Variants in EPHX1 observed in about 807,000 individuals in gnomAD.
The protein encoded by EPHX1 is epoxide hydrolase 1.
EPHX1 carries 40 observed loss-of-function variants against 43.2 expected under a neutral mutation model. The ratio of observed to expected loss-of-function variants is 0.93; its 90% confidence interval spans 0.72 to 1.21. The LOEUF (loss-of-function observed/expected upper bound fraction) is 1.21, where lower values mean the gene tolerates loss of function less well. EPHX1 is among the 50% of genes most tolerant of loss of function. The pLI is 0.00. For synonymous variants in EPHX1, 221 were observed against 226.7 expected (o/e 0.98, Z 0.22); for missense variants, 550 against 570.4 (o/e 0.96, Z 0.36).
At chr1:225,827,536 G>A (rs1667306499) in intron 1 of EPHX1, among the ~76,000 whole-genome samples, 1 of 152,156 alleles carries the variant, frequency 6.6e-6, no homozygotes, top group African/African-American at 2.4e-5. Flanking sequence ...AAAAGACACA[G>A]GAGTCAGACA....
At chr1:225,828,602 T>A in intron 1 of EPHX1, 123 bp from the exon 2 acceptor site, 1 of 719,514 alleles carries the variant, frequency 1.4e-6, no homozygotes, top group Middle Eastern at 4.0e-4. Flanking sequence ...AGGTCAAGTG[T>A]AAATAAAATC....
chr1:225,843,307 A>G (rs1668589940), intron 7 of EPHX1, among the ~76,000 whole-genome samples: 1 of 152,110 alleles, frequency 6.6e-6, no homozygotes, highest in Non-Finnish European at 1.5e-5. Context: ...TGGAGGAGAG[A>G]AACTTAGGCA....
chr1:225,842,319 C>G (rs1247370200), intron 6 of EPHX1, 47 bp from the exon 7 acceptor site: 3 of 1,397,872 alleles, frequency 2.1e-6, no homozygotes, highest in Admixed American at 3.3e-5. Context: ...CTCCAGCTCT[C>G]TGGTCCCCAG....
Position 225,844,514 on chromosome 1 carries a change from G to A in EPHX1, c.1057G>A (p.Asp353Asn), listed in dbSNP as rs779600683. The A allele has an allele frequency of 1.1e-5, 17 of 1,614,126 alleles. No homozygotes were observed. Among genetic ancestry groups the A allele is most frequent in the South Asian group, 9.9e-5 (9 of 91,068 alleles). The change falls in exon 8 of 9, where the codon GAC becomes AAC. Residue 353 changes from aspartate (D) to asparagine (N), a missense_variant. Transcript: ENST00000272167. ...CGTTCCCAGGAAGTTCTCCCTGGAC[G>A]ACCTGCTGACCAACGTCATGCTCTA... ...GGLERKFSLDDLLTNVMLYWT... is the reference protein window; with the variant it reads ...GGLERKFSLDNLLTNVMLYWT...
chr1:225,837,356 G>T (rs192363887), intron 3 of EPHX1, among the ~76,000 whole-genome samples: 43 of 152,342 alleles, frequency 2.8e-4, no homozygotes, highest in African/African-American at 9.6e-4. Flanking sequence ...TGTGAATGCC[G>T]TAAGGCCCCA....
intron 3 of EPHX1, among the ~76,000 whole-genome samples, chr1:225,835,936 C>A (rs185319341): frequency 6.6e-6 from 1 of 152,088 alleles, no homozygotes; most frequent in East Asian, 1.9e-4. Context: ...CGTGGACTTA[C>A]CCATGTGTGG....
chr1:225,824,050 T>C (rs547208396), intron 1 of EPHX1, among the ~76,000 whole-genome samples: 1 of 152,206 alleles, frequency 6.6e-6, no homozygotes, highest in South Asian at 2.1e-4. Context: ...TCTGCAATTC[T>C]CCCTGTCTCG....
At chr1:225,839,532 C>A (rs376644362) in intron 5 of EPHX1, among the ~76,000 whole-genome samples, 186 bp downstream of exon 5, 1 of 152,080 alleles carries the variant, frequency 6.6e-6, no homozygotes, top group Admixed American at 6.5e-5. Context: ...CCCAGGGTTG[C>A]GGCTCTGGGT....
At chr1:225,833,631 T>C (rs535597261) in intron 3 of EPHX1, among the ~76,000 whole-genome samples, 2 of 148,364 alleles carry the variant, frequency 1.3e-5, no homozygotes, top group South Asian at 4.3e-4. Context: ...CTGTCTCTAA[T>C]AAAAATACAA....
rs773821078 is a variant in EPHX1, at chr1:225,838,688, C to T, written c.399C>T (p.Pro133=). 3.1e-6 allele frequency: 5 copies of T among 1,614,176 alleles called. No individual in the cohort carries two copies. Among genetic ancestry groups the T allele is most frequent in the Admixed American group, 1.7e-5 (1 of 60,026 alleles). Reference sequence around the variant, plus strand: ...TCCACTTCATCCACGTGAAGCCCCCCCAGCTGCCCGCAGGCCATACCCCGA... The same window carrying T: ...TCCACTTCATCCACGTGAAGCCCCCTCAGCTGCCCGCAGGCCATACCCCGA... ...LDIHFIHVKP[P]QLPAGHTPKP... The change falls in exon 4 of 9, where the codon CCC becomes CCT. Residue 133 remains proline, a synonymous_variant. Coordinates refer to ENST00000272167, the MANE Select transcript of EPHX1 (RefSeq NM_001136018.4).
In EPHX1 at chr1:225,845,398, C is replaced by T. The variant is rs1407982231; in HGVS notation, c.*51C>T. The T allele has an allele frequency of 6.7e-7, 1 of 1,492,244 alleles. No individual in the cohort carries two copies. Among genetic ancestry groups the T allele is most frequent in the Non-Finnish European group, 9.0e-7 (1 of 1,116,886 alleles). The allele number at this position is 1,492,244 out of a possible 1,614,324, so 92.4% of individuals were successfully genotyped here. ...CCTCCCCCCACAAGTGCCCTCCAGG[C>T]TTTTCTTGGGGAAGATACCCCTTTT... On this transcript the variant is annotated 3_prime_UTR_variant, in exon 9 of 9. Transcript: ENST00000272167.
rs377404367 is a variant in EPHX1 at position 225,845,328 on chromosome 1, C to T, written c.1349C>T (p.Ser450Leu). The change falls in exon 9 of 9, where the codon TCG becomes TTG. Residue 450 changes from serine (S) to leucine (L), a missense_variant. By Grantham distance (145) the Ser-to-Leu change is moderately radical. Transcript: ENST00000272167. ...GCCCAGGACATCCGCAAGTTCCTGT[C>T]GGTGCTGGAGCGGCAATGACCCACC... ...LLAQDIRKFL[S>L]VLERQ 17 of 1,611,180 alleles carry T rather than the reference C, an allele frequency of 1.1e-5. No individual in the cohort carries two copies. The highest frequency in any genetic ancestry group is 5.3e-5 in the African/African-American group (4 of 74,858).
At chr1:225,820,621 G>A (rs535078151) in intron 1 of EPHX1, among the ~76,000 whole-genome samples, 2 of 152,110 alleles carry the variant, frequency 1.3e-5, no homozygotes, top group South Asian at 4.2e-4. Flanking sequence ...CATGCCATGC[G>A]CTTCCTCACT....
At chr1:225,835,382 C>CT (rs763161291) in intron 3 of EPHX1, among the ~76,000 whole-genome samples, 6,853 of 90,800 alleles carry the variant, frequency 0.075, 597 homozygotes, top group African/African-American at 0.21. Flanking sequence ...CCACACTAGG[C>CT]TTTTTTTTTT....
chr1:225,844,761 G>A, intron 8 of EPHX1, 138 bp downstream of exon 8: 1 of 1,384,142 alleles, frequency 7.2e-7, no homozygotes, highest in Non-Finnish European at 9.8e-7. Flanking sequence ...CCTTGGATGG[G>A]AACACTAAAG....
chr1:225,810,767 G>T (rs934303194), intron 1 of EPHX1, among the ~76,000 whole-genome samples: 1 of 143,786 alleles, frequency 7.0e-6, no homozygotes, highest in Non-Finnish European at 1.5e-5. Context: ...GGGCAGAGTG[G>T]GGGGGGTCAC....
chr1:225,826,447 CAAAA>C (rs374232833), intron 1 of EPHX1, among the ~76,000 whole-genome samples: 35 of 84,182 alleles, frequency 4.2e-4, no homozygotes, highest in East Asian at 9.8e-4. Context: ...GACTCTGTCT[CAAAA>C]AAAAAAAAAA....
chr1:225,843,466 C>G (rs943535549), intron 7 of EPHX1, among the ~76,000 whole-genome samples: 2 of 152,208 alleles, frequency 1.3e-5, no homozygotes, highest in Non-Finnish European at 2.9e-5. Context: ...GCAGGGCCTT[C>G]GTCTGGGATC....
intron 1 of EPHX1, among the ~76,000 whole-genome samples, chr1:225,815,664 A>G (rs986577276): frequency 1.3e-5 from 2 of 152,180 alleles, no homozygotes; most frequent in Non-Finnish European, 2.9e-5. Flanking sequence ...AAGCATTGCC[A>G]CAAACAAACT....
Sources: allele counts gnomAD v4.1 joint callset (sites outside exome capture counted in the v4.1 genomes callset), GRCh38; gene constraint gnomAD v4.1.1; transcripts MANE v1.5; gene names NCBI Gene and HGNC (gene_info 2026-07-23, HGNC 2026-07-21).